The following MAST3 variants were observed in gnomAD, a reference collection of about 807,000 sequenced individuals.
MAST3 encodes microtubule-associated serine/threonine-protein kinase 3.
In MAST3, 43 loss-of-function variants were observed where a neutral mutation model predicts 127.0. The ratio of observed to expected loss-of-function variants is 0.34; its 90% CI spans 0.27 to 0.44. The LOEUF (loss-of-function observed/expected upper bound fraction) is 0.44, where lower values mean the gene tolerates loss of function less well. Among genes scored for constraint, MAST3 ranks in the 20% least tolerant of loss-of-function variants. The pLI, the probability that MAST3 is intolerant of heterozygous loss-of-function variation, is 1.00. For synonymous variants in MAST3, 785 were observed against 809.2 expected (o/e 0.97, Z 0.51); for missense variants, 1,390 against 1,919.1 (o/e 0.72, Z 5.15).
intron 3 of MAST3, among the ~76,000 whole-genome samples, chr19:18,116,270 ACTTTTATTT>A (rs1263533796): frequency 6.8e-6 from 1 of 147,504 alleles, no homozygotes; most frequent in African/African-American, 2.5e-5. Context: ...TTTCTTTTGT[ACTTTTATTT>A]CTTTTATTTT....
intron 3 of MAST3, among the ~76,000 whole-genome samples, chr19:18,120,470 C>T (rs996894868): frequency 2.6e-5 from 4 of 152,144 alleles, no homozygotes; most frequent in Admixed American, 2.6e-4. Flanking sequence ...ATGTAGTGTC[C>T]TCCATCAGGC....
At chr19:18,123,090 A>G (rs2040190588) in intron 6 of MAST3, 127 bp from the exon 7 acceptor site, 2 of 997,522 alleles carry the variant, frequency 2.0e-6, no homozygotes, top group South Asian at 2.7e-5. Context: ...CATAGGAGCT[A>G]GGCAGGAGAA....
In MAST3 at chr19:18,149,507, G is replaced by A. The variant is rs749052123; in HGVS notation, c.3825G>A (p.Ala1275=). Residue 1275 remains alanine, a synonymous_variant, in exon 28 of 28, where the codon GCG becomes GCA. Transcript: ENST00000687212. This position sits in a 1 kb window ranked among gnomAD's most constrained non-coding sequence, Gnocchi z 5.9. ...LGTGERLDGE[A]GRRTRGPEAE... ...CAGGGGAGCGGCTGGATGGGGAGGC[G>A]GGGCGGCGCACTCGTGGGCCAGAGG... 1.6e-5 allele frequency: 24 copies of A among 1,547,632 alleles called. No homozygotes were observed. Among genetic ancestry groups the A allele is most frequent in the African/African-American group, 1.4e-4 (10 of 72,998 alleles).
At chr19:18,119,433 C>G (rs983286561) in intron 3 of MAST3, among the ~76,000 whole-genome samples, 1 of 152,136 alleles carries the variant, frequency 6.6e-6, no homozygotes, top group Non-Finnish European at 1.5e-5. Flanking sequence ...CTGTGGGTTT[C>G]ACTTTTGCTT....
intron 21 of MAST3, among the ~76,000 whole-genome samples, chr19:18,142,383 G>A (rs1182131821): frequency 2.3e-5 from 3 of 130,154 alleles, no homozygotes; most frequent in African/African-American, 9.0e-5. Flanking sequence ...ACGGAGTCTC[G>A]CTCTGTCGCA....
chr19:18,128,542 C>T (rs948754933), intron 12 of MAST3, 84 bp downstream of exon 12: 31 of 1,374,248 alleles, frequency 2.3e-5, no homozygotes, highest in African/African-American at 4.3e-5. Context: ...CTGGGTTTGC[C>T]GAGGTCTTGC....
chr19:18,135,202 C>T (rs1448625076), intron 17 of MAST3, among the ~76,000 whole-genome samples: 3 of 152,086 alleles, frequency 2.0e-5, no homozygotes, highest in Non-Finnish European at 4.4e-5. Context: ...CAGTGGCAAA[C>T]ACCTGTAATT....
intron 5 of MAST3, 182 bp downstream of exon 5, chr19:18,122,104 C>T: frequency 2.0e-6 from 2 of 985,302 alleles, no homozygotes; most frequent in South Asian, 4.7e-5. Flanking sequence ...TGCCATCTTG[C>T]AGCCACATCC....
chr19:18,099,214 G>T (rs1424215072), intron 1 of MAST3, among the ~76,000 whole-genome samples: 1 of 151,734 alleles, frequency 6.6e-6, no homozygotes, highest in Non-Finnish European at 1.5e-5. Context: ...GGTCGGGAGT[G>T]GTCAGGGAAG....
At chr19:18,105,872 G>A (rs2038033277) in intron 1 of MAST3, among the ~76,000 whole-genome samples, 1 of 151,946 alleles carries the variant, frequency 6.6e-6, no homozygotes, top group South Asian at 2.1e-4. Context: ...TCCTCCCCAC[G>A]CCCCCACTGG....
In MAST3 at chr19:18,146,995, C is replaced by T. The variant is rs750886979; in HGVS notation, c.3277C>T (p.Arg1093Cys). 8.9e-6 allele frequency: 14 copies of T among 1,570,824 alleles called. No individual in the cohort carries two copies. The highest frequency in any genetic ancestry group is 1.9e-4 in the Middle Eastern group (1 of 5,304). ...CATGGCACGCAGGAGCAAGAGGAGC[C>T]GTCGGCGGGAGACCCAGGATCGGTG... is the stretch of plus-strand genomic sequence containing the variant. ...GRMARRSKRS[R>C]RRETQDRCAA... The change falls in exon 26 of 28, where the codon CGT (arginine) becomes TGT (cysteine). Residue 1093 changes from arginine (R) to cysteine (C), a missense_variant. Coordinates refer to ENST00000687212, the MANE Select transcript of MAST3 (RefSeq NM_001393504.1).
At chr19:18,120,683 G>A (rs2039864504) in intron 3 of MAST3, among the ~76,000 whole-genome samples, 1 of 151,976 alleles carries the variant, frequency 6.6e-6, no homozygotes, top group Admixed American at 6.6e-5. Context: ...TTATAAGCAT[G>A]CACTACCACA....
At chr19:18,136,544 T>A (rs745624296) in intron 18 of MAST3, among the ~76,000 whole-genome samples, 1 of 152,132 alleles carries the variant, frequency 6.6e-6, no homozygotes, top group South Asian at 2.1e-4. Flanking sequence ...GCCTCCCGAG[T>A]AGCCGGAACC....
Position 18,144,028 on chromosome 19 carries a change from G to C in MAST3, c.2584+21G>C. On this transcript the variant is annotated intron_variant, in intron 22 of 27. Coordinates refer to ENST00000687212, the MANE Select transcript of MAST3 (RefSeq NM_001393504.1). The surrounding 1 kb of genome is among the most constrained non-coding windows in gnomAD (Gnocchi z 4.0). ...TTCTGGTAAGTGGGGCCCTGAGTAA[G>C]AGGGATGATGTCATGGAAGTTTCCC... The C allele has an allele frequency of 6.4e-7, 1 of 1,551,142 alleles. No individual in the cohort carries two copies. The highest frequency in any genetic ancestry group is 1.2e-5 in the South Asian group (1 of 84,304).
chr19:18,149,516 C>T lies in MAST3; in HGVS notation c.3834C>T (p.Arg1278=). 6.4e-7 allele frequency: 1 copy of T among 1,550,622 alleles called. No individual in the cohort carries two copies. The highest frequency in any genetic ancestry group is 8.7e-7 in the Non-Finnish European group (1 of 1,147,616). ...GERLDGEAGR[R]TRGPEAELVV... Reference sequence around the variant, plus strand: ...GGCTGGATGGGGAGGCGGGGCGGCGCACTCGTGGGCCAGAGGCCGAGCTCG... The same window carrying T: ...GGCTGGATGGGGAGGCGGGGCGGCGTACTCGTGGGCCAGAGGCCGAGCTCG... Residue 1278 remains arginine (R), a synonymous_variant, in exon 28 of 28, where the codon CGC becomes CGT. Coordinates refer to ENST00000687212, the MANE Select transcript of MAST3 (RefSeq NM_001393504.1). This position sits in a 1 kb window ranked among gnomAD's most constrained non-coding sequence, Gnocchi z 5.9.
rs1568550698 is a variant in MAST3, at chr19:18,110,313, C to T, written c.72-339C>T. ...CCCCGCCGCACAGAGGCGGCCTCTGCCTCGGCATGAAGTCCCGCAGGGACA... is the reference window on the plus strand; with the variant it reads ...CCCCGCCGCACAGAGGCGGCCTCTGTCTCGGCATGAAGTCCCGCAGGGACA... On this transcript the variant is annotated intron_variant, in intron 2 of 27. Transcript: ENST00000687212. This position sits in a 1 kb window ranked among gnomAD's most constrained non-coding sequence, Gnocchi z 4.3. 7.1e-6 allele frequency: 7 copies of T among 985,422 alleles called. No individual in the cohort carries two copies. Among genetic ancestry groups the T allele is most frequent in the Non-Finnish European group, 8.4e-6 (7 of 830,000 alleles). The allele number at this position is 985,422 out of a possible 1,614,324, so 61.0% of individuals were successfully genotyped here. A position where few individuals can be genotyped will look rare whatever the true frequency, so the allele number is the denominator to read the frequency against.
intron 1 of MAST3, among the ~76,000 whole-genome samples, chr19:18,106,986 T>C (rs1200252074): frequency 1.4e-5 from 2 of 138,780 alleles, no homozygotes; most frequent in Non-Finnish European, 3.1e-5. Context: ...TTTTTTTTTT[T>C]TTTTTTTTTT....
At chr19:18,101,836 T>A (rs1284068163) in intron 1 of MAST3, among the ~76,000 whole-genome samples, 2 of 149,958 alleles carry the variant, frequency 1.3e-5, no homozygotes, top group Non-Finnish European at 3.0e-5. Flanking sequence ...TTATATTTTT[T>A]AGTAGAGATG....
chr19:18,136,355 C>T (rs759622569), intron 18 of MAST3, among the ~76,000 whole-genome samples: 5 of 152,136 alleles, frequency 3.3e-5, no homozygotes, highest in Non-Finnish European at 5.9e-5. Flanking sequence ...TTTCTCTAGG[C>T]GGTGTGGTCC....
Sources: gnomAD v4.1 joint callset for allele counts (sites outside exome capture counted in the v4.1 genomes callset) on GRCh38, gnomAD v4.1.1 for gene constraint, Gnocchi (gnomAD v3.1) non-coding constraint, MANE v1.5 for transcripts, NCBI Gene and HGNC (gene_info 2026-07-23, HGNC 2026-07-21) for gene names.